Variants in RNMT observed in about 807,000 individuals in gnomAD.
The protein encoded by RNMT is mRNA cap guanine-N(7) methyltransferase.
Under a neutral mutation model 56.0 loss-of-function variants are expected in RNMT, and 27 were observed. The ratio of observed to expected loss-of-function variants is 0.48; its 90% CI spans 0.36 to 0.67. RNMT has a LOEUF of 0.67. Ranked by LOEUF, RNMT falls within the 30% of genes least tolerant of loss-of-function variation. The probability of loss-of-function intolerance (pLI) is 0.00; values close to 1 mark genes in which losing one functional copy is unlikely to be tolerated. For missense variants in RNMT, 519 were observed against 552.1 expected (o/e 0.94, Z 0.60); for synonymous variants, 184 against 176.2 (o/e 1.04, Z -0.35).
rs562359562 is a variant in RNMT at position 13,730,423 on chromosome 18, A to G, written c.-171-204A>G. The G allele has an allele frequency of 4.6e-5, 7 of 152,318 alleles. No homozygotes were observed. In the South Asian group the frequency reaches 1.2e-3, roughly 27 times the overall value. The allele number at this position is 152,318 out of a possible 1,614,324, so 9.4% of individuals were successfully genotyped here. The stretch of plus-strand genomic sequence containing the variant: ...CAGAATTCTTGCTGTAGAATCCCAA[A>G]CTTTTTCTGTTCTTGATGCCCTTAG... On this transcript the variant is annotated intron_variant, in intron 1 of 11. Transcript: ENST00000383314.
chr18:13,739,274 A>G (rs2044214791), intron 5 of RNMT, among the ~76,000 whole-genome samples: 1 of 152,218 alleles, frequency 6.6e-6, no homozygotes. Context: ...ATCACACAAC[A>G]TTTTAAAAAG....
Position 13,754,303 on chromosome 18 carries a change from T to G in RNMT, c.1393+156T>G, listed in dbSNP as rs147554448. On this transcript the variant is annotated intron_variant, in intron 11 of 11. Coordinates refer to ENST00000383314, the MANE Select transcript of RNMT (RefSeq NM_003799.3). The stretch of plus-strand genomic sequence containing the variant: ...AGACAGATTCCTCGAGCCCAGGAGT[T>G]GAGACCGGTCTGGGCAACATGGCAA... Among the ~76,000 whole-genome samples the G allele has an allele frequency of 2.5e-3, 375 of 152,236 alleles. 3 individuals are homozygous for G. Among genetic ancestry groups the G allele is most frequent in the African/African-American group, 8.7e-3 (363 of 41,544 alleles).
Position 13,753,985 on chromosome 18 carries a change from C to T in RNMT, c.1360-129C>T, listed in dbSNP as rs1568513991. The T allele has an allele frequency of 1.2e-5, 7 of 592,688 alleles. No homozygotes were observed. In the South Asian group the frequency reaches 1.4e-4, roughly 12 times the overall value. The allele number at this position is 592,688 out of a possible 1,614,324, so 36.7% of individuals were successfully genotyped here. On this transcript the variant is annotated intron_variant, in intron 10 of 11. Transcript: ENST00000383314. ...TATGCTCAGGTCACAATATGATTAA[C>T]AGTGAATCGAATGTGTATTTACAGT...
chr18:13,753,572 CCATCCTGGCTGA>C (rs1195154378), intron 10 of RNMT, among the ~76,000 whole-genome samples: 11 of 151,940 alleles, frequency 7.2e-5, no homozygotes, highest in African/African-American at 2.4e-4. Context: ...GAGATTGAGA[CCATCCTGGCTGA>C]CACGGTGAAA....
intron 11 of RNMT, among the ~76,000 whole-genome samples, chr18:13,755,535 T>C (rs2044528509): frequency 6.6e-6 from 1 of 152,200 alleles, no homozygotes. Context: ...TATGGTTTCA[T>C]GGAAGCCTGG....
intron 3 of RNMT, 61 bp downstream of exon 3, chr18:13,731,995 C>G: frequency 1.5e-6 from 2 of 1,328,958 alleles, no homozygotes; most frequent in Non-Finnish European, 2.1e-6. Flanking sequence ...ATGTGGAACA[C>G]CCGTGGATTC....
intron 3 of RNMT, among the ~76,000 whole-genome samples, chr18:13,733,016 C>T (rs1275406532): frequency 6.6e-6 from 1 of 152,114 alleles, no homozygotes; most frequent in East Asian, 1.9e-4. Flanking sequence ...CCACCTCAGC[C>T]TCCCAAAGTG....
At chr18:13,743,813 A>G (rs1219675057) in intron 8 of RNMT, among the ~76,000 whole-genome samples, 1 of 151,896 alleles carries the variant, frequency 6.6e-6, no homozygotes, top group Non-Finnish European at 1.5e-5. Flanking sequence ...TTAGGGTTAC[A>G]GTATTTTCAG....
Position 13,762,270 on chromosome 18 carries a change from C to CATTCT in RNMT, c.*2291_*2292insATTCT. ...CTGGATTGTGATTTAACCAAGAATG[C>CATTCT]TGATGTTGAATTCTTTGGGCCTAGA... On this transcript the variant is annotated 3_prime_UTR_variant, in exon 12 of 12. Transcript: ENST00000383314. 2 of 1,225,946 alleles carry CATTCT rather than the reference C, an allele frequency of 1.6e-6. No homozygotes were observed. Among genetic ancestry groups the CATTCT allele is most frequent in the Non-Finnish European group, 2.2e-6 (2 of 903,088 alleles). The allele number at this position is 1,225,946 out of a possible 1,614,324, so 75.9% of individuals were successfully genotyped here.
In RNMT at chr18:13,731,902, A is replaced by G. The variant is rs772993668; in HGVS notation, c.385A>G (p.Ile129Val). ...TGDGTQNKRKIALEDVPEKQK... is the reference protein window; with the variant it reads ...TGDGTQNKRKVALEDVPEKQK... ...AGATGGCACTCAAAATAAGAGAAAA[A>G]TAGCACTTGAGGATGTTCCTGAAAA... The change falls in exon 3 of 12, where the codon ATA (isoleucine) becomes GTA (valine). Residue 129 changes from isoleucine (I) to valine (V), a missense_variant. Transcript: ENST00000383314. 5.6e-6 allele frequency: 9 copies of G among 1,601,490 alleles called. No homozygotes were observed. The Admixed American group carries it at 7.1e-5, about 13-fold the overall frequency.
At chr18:13,751,252 A>G (rs2044439988) in intron 9 of RNMT, among the ~76,000 whole-genome samples, 1 of 152,238 alleles carries the variant, frequency 6.6e-6, no homozygotes, top group African/African-American at 2.4e-5. Flanking sequence ...CATAATCTAC[A>G]AAGAACTTAA....
At chr18:13,739,947 C>T (rs2044224795) in intron 5 of RNMT, among the ~76,000 whole-genome samples, 1 of 152,154 alleles carries the variant, frequency 6.6e-6, no homozygotes, top group Non-Finnish European at 1.5e-5. Flanking sequence ...CATGATAGAA[C>T]TTTTATAGCG....
intron 5 of RNMT, among the ~76,000 whole-genome samples, chr18:13,739,613 T>C (rs1602010399): frequency 6.6e-6 from 1 of 152,032 alleles, no homozygotes; most frequent in East Asian, 1.9e-4. Flanking sequence ...TGAAACCCCA[T>C]CCTCTACCAA....
chr18:13,733,267 C>T (rs2044104278), intron 3 of RNMT, among the ~76,000 whole-genome samples: 1 of 152,132 alleles, frequency 6.6e-6, no homozygotes. Flanking sequence ...GGCATTTTTA[C>T]AGGATTTCTA....
intron 9 of RNMT, among the ~76,000 whole-genome samples, chr18:13,749,899 A>G (rs986846435): frequency 2.0e-5 from 3 of 146,744 alleles, no homozygotes; most frequent in Non-Finnish European, 4.5e-5. Context: ...AGCTGGGACT[A>G]CAGGCACGTG....
Position 13,761,816 on chromosome 18 carries a change from T to G in RNMT, c.*1837T>G, listed in dbSNP as rs1260656882. On this transcript the variant is annotated 3_prime_UTR_variant, in exon 12 of 12. Coordinates refer to ENST00000383314, the MANE Select transcript of RNMT (RefSeq NM_003799.3). ...CCTTGAGCTTTGCCTGTCTCTTGCC[T>G]TATCAGTTCTTCCTCCACCACCCTA... is the stretch of plus-strand genomic sequence containing the variant. The G allele has an allele frequency of 7.5e-7, 1 of 1,329,700 alleles. No homozygotes were observed. Among genetic ancestry groups the G allele is most frequent in the Non-Finnish European group, 9.6e-7 (1 of 1,038,180 alleles). 82.4% of individuals were successfully genotyped at this position (1,329,700 alleles called of 1,614,324 possible).
Position 13,762,897 on chromosome 18 carries a change from G to A in RNMT, c.*2918G>A, listed in dbSNP as rs2044637519. The A allele has an allele frequency of 2.8e-6, 1 of 352,144 alleles. No individual in the cohort carries two copies. The highest frequency in any genetic ancestry group is 2.1e-5 in the African/African-American group (1 of 46,860). 21.8% of individuals were successfully genotyped at this position (352,144 alleles called of 1,614,324 possible). A position where few individuals can be genotyped will look rare whatever the true frequency, so the allele number is the denominator to read the frequency against. The stretch of plus-strand genomic sequence containing the variant: ...TTTGGCTACTTGTATAGGTCTGCCT[G>A]CAGGGTGAAAATGCCAGTGTGAATA... On this transcript the variant is annotated 3_prime_UTR_variant, in exon 12 of 12. Transcript: ENST00000383314.
At chr18:13,745,042 G>A (rs1396941075) in intron 8 of RNMT, among the ~76,000 whole-genome samples, 4 of 152,196 alleles carry the variant, frequency 2.6e-5, no homozygotes, top group African/African-American at 9.6e-5. Flanking sequence ...GAATGCTCCT[G>A]ACAAGAGGAC....
At chr18:13,748,435 A>G (rs151154518) in intron 9 of RNMT, among the ~76,000 whole-genome samples, 61 of 152,366 alleles carry the variant, frequency 4.0e-4, no homozygotes, top group African/African-American at 1.4e-3. Context: ...CTTGGGTGGC[A>G]TAATGGGGGA....
Sources: gnomAD v4.1 joint callset for allele counts (sites outside exome capture counted in the v4.1 genomes callset) on GRCh38, gnomAD v4.1.1 for gene constraint, MANE v1.5 for transcripts, NCBI Gene and HGNC (gene_info 2026-07-23, HGNC 2026-07-21) for gene names.